The following ADAMTSL1 variants were observed in gnomAD, a reference collection of about 807,000 sequenced individuals.
ADAMTSL1 encodes ADAMTS-like protein 1.
In ADAMTSL1, 126 loss-of-function variants were observed where a neutral mutation model predicts 201.8. The ratio of observed to expected loss-of-function variants is 0.62; its 90% confidence interval spans 0.54 to 0.72. The LOEUF (loss-of-function observed/expected upper bound fraction) is 0.72, where lower values mean the gene tolerates loss of function less well. ADAMTSL1 is among the 30% of genes least tolerant of loss of function. ADAMTSL1 has a pLI of 0.00. For synonymous variants in ADAMTSL1, 1,121 were observed against 903.4 expected (o/e 1.24, Z -4.32); for missense variants, 2,679 against 2,277.8 (o/e 1.18, Z -3.59).
intron 2 of ADAMTSL1, among the ~76,000 whole-genome samples, chr9:18,292,311 G>A (rs1203089050): frequency 1.3e-5 from 2 of 152,124 alleles, no homozygotes; most frequent in Non-Finnish European, 2.9e-5. Context: ...TGGCCAGCTT[G>A]CCATCTTGGT....
At chr9:18,290,783 T>TTTTTTG (rs1563862822) in intron 2 of ADAMTSL1, among the ~76,000 whole-genome samples, 1 of 80,196 alleles carries the variant, frequency 1.2e-5, no homozygotes, top group Non-Finnish European at 2.7e-5. Flanking sequence ...TTTTGTGTGT[T>TTTTTTG]TTTTTTTTTT....
At chr9:18,640,690 G>C (rs908993254) in intron 7 of ADAMTSL1, among the ~76,000 whole-genome samples, 1 of 152,054 alleles carries the variant, frequency 6.6e-6, no homozygotes, top group South Asian at 2.1e-4. Flanking sequence ...GACACTGTCT[G>C]CCCAGGCAAA....
At chr9:18,845,192 G>C (rs115100875) in intron 23 of ADAMTSL1, among the ~76,000 whole-genome samples, 101 of 152,248 alleles carry the variant, frequency 6.6e-4, no homozygotes, top group Admixed American at 1.9e-3. Flanking sequence ...CTCAAGTGTC[G>C]GCAGCACACT....
chr9:18,042,613 G>A (rs1397322968), intron 1 of ADAMTSL1, among the ~76,000 whole-genome samples: 2 of 152,106 alleles, frequency 1.3e-5, no homozygotes, highest in Admixed American at 6.6e-5. Flanking sequence ...TCAAATTGAA[G>A]TTATCAGAGA....
intron 1 of ADAMTSL1, among the ~76,000 whole-genome samples, chr9:18,099,357 T>TATATA (rs58492343): frequency 0.018 from 1,021 of 56,502 alleles, 5 homozygotes; most frequent in Non-Finnish European, 0.024. Context: ...ATATATATAT[T>TATATA]TTTTTTTTTT....
At chr9:18,402,777 C>T (rs534217072) in intron 2 of ADAMTSL1, among the ~76,000 whole-genome samples, 3 of 152,278 alleles carry the variant, frequency 2.0e-5, no homozygotes, top group East Asian at 3.9e-4. Context: ...TGAACTTAGA[C>T]ACCATCCAGG....
intron 1 of ADAMTSL1, among the ~76,000 whole-genome samples, chr9:18,118,295 A>G (rs761716132): frequency 1.3e-5 from 2 of 152,188 alleles, no homozygotes; most frequent in Non-Finnish European, 2.9e-5. Flanking sequence ...GCCTAAGAAG[A>G]TGTGTATGGA....
chr9:18,379,754 C>A (rs1837469451), intron 2 of ADAMTSL1, among the ~76,000 whole-genome samples: 1 of 152,122 alleles, frequency 6.6e-6, no homozygotes, highest in Admixed American at 6.5e-5. Flanking sequence ...AAAGAAAAAA[C>A]ATAAACTATG....
At chr9:18,003,747 ACTT>A (rs769628497) in intron 1 of ADAMTSL1, among the ~76,000 whole-genome samples, 13 of 151,974 alleles carry the variant, frequency 8.6e-5, no homozygotes, top group Non-Finnish European at 1.3e-4. Context: ...TTCAAACCAA[ACTT>A]CTTCTTCATA....
intron 1 of ADAMTSL1, among the ~76,000 whole-genome samples, chr9:18,020,894 T>C (rs1820454627): frequency 6.6e-6 from 1 of 152,152 alleles, no homozygotes. Context: ...TTAAAAGCCA[T>C]GATTATATCA....
At chr9:18,865,289 T>C (rs1827458905) in intron 23 of ADAMTSL1, among the ~76,000 whole-genome samples, 2 of 151,034 alleles carry the variant, frequency 1.3e-5, no homozygotes, top group Admixed American at 1.3e-4. Flanking sequence ...AAACATGTGG[T>C]GTTTGGTTTT....
chr9:18,453,755 A>G (rs1820502809), intron 2 of ADAMTSL1, among the ~76,000 whole-genome samples: 1 of 152,146 alleles, frequency 6.6e-6, no homozygotes, highest in Non-Finnish European at 1.5e-5. Flanking sequence ...TAAGTGGTTG[A>G]TTAGGAATAT....
intron 5 of ADAMTSL1, among the ~76,000 whole-genome samples, chr9:18,634,081 T>C (rs1826951002): frequency 6.6e-6 from 1 of 152,064 alleles, no homozygotes; most frequent in Non-Finnish European, 1.5e-5. Context: ...GTTTTCCCTG[T>C]TTTACAAATG....
At chr9:17,940,859 G>A (rs971501022) in intron 1 of ADAMTSL1, among the ~76,000 whole-genome samples, 1 of 124,744 alleles carries the variant, frequency 8.0e-6, no homozygotes, top group Non-Finnish European at 1.6e-5. Context: ...AGGCTCCCAT[G>A]GCCCGAAGAG....
intron 2 of ADAMTSL1, among the ~76,000 whole-genome samples, chr9:18,511,535 G>A (rs888844274): frequency 6.6e-6 from 1 of 152,038 alleles, no homozygotes; most frequent in African/African-American, 2.4e-5. Context: ...TAAGATTATA[G>A]TATTATTCCA....
chr9:18,019,602 G>A (rs1820398655), intron 1 of ADAMTSL1, among the ~76,000 whole-genome samples: 1 of 152,080 alleles, frequency 6.6e-6, no homozygotes, highest in Non-Finnish European at 1.5e-5. Flanking sequence ...GGAGCCCAAG[G>A]TAGAGAAAGA....
chr9:18,510,882 C>T (rs1023843468), intron 2 of ADAMTSL1, among the ~76,000 whole-genome samples: 4 of 152,072 alleles, frequency 2.6e-5, no homozygotes, highest in African/African-American at 9.7e-5. Context: ...CACCCCCCTA[C>T]TAAATACTCT....
rs151019079 is a variant in ADAMTSL1, at chr9:18,635,943, C to A, written c.602C>A (p.Ser201Ter). The change falls in exon 6 of 29, where the codon TCG (serine) becomes TAG (stop). Residue 201 changes from serine to a stop codon, truncating the protein, a stop_gained and splice_region_variant. Coordinates refer to ENST00000380548, the MANE Select transcript of ADAMTSL1 (RefSeq NM_001040272.6). LOFTEE classifies it high-confidence loss of function. Reference protein sequence around the residue: ...QYKSQLSATKSDDTVVAIPYG... With the variant: ...QYKSQLSATK ...AAGATTTTGCTTTGTTTCTCTCTAG[C>A]GGATGATACTGTGGTTGCAATTCCC... The A allele has an allele frequency of 1.3e-6, 2 of 1,596,974 alleles. No individual in the cohort carries two copies. Among genetic ancestry groups the A allele is most frequent in the South Asian group, 1.1e-5 (1 of 87,102 alleles).
intron 1 of ADAMTSL1, among the ~76,000 whole-genome samples, chr9:17,940,802 A>ATC (rs796516368): frequency 2.0e-5 from 1 of 50,792 alleles, no homozygotes; most frequent in African/African-American, 7.1e-5. Flanking sequence ...AGTAAATAAC[A>ATC]CCCCCCCCCC....
Sources: gnomAD v4.1 joint callset for allele counts (sites outside exome capture counted in the v4.1 genomes callset) on GRCh38, gnomAD v4.1.1 for gene constraint, MANE v1.5 for transcripts, NCBI Gene and HGNC (gene_info 2026-07-23, HGNC 2026-07-21) for gene names.